TREM2: variants seen among roughly 807,000 people sequenced by gnomAD.
The protein encoded by TREM2 is triggering receptor expressed on myeloid cells 2.
In TREM2, 20 loss-of-function variants were observed where a neutral mutation model predicts 22.9. That is an observed-to-expected ratio of 0.87 (90% CI 0.61 to 1.27). The LOEUF (loss-of-function observed/expected upper bound fraction) is 1.27, where lower values mean the gene tolerates loss of function less well. Ranked by LOEUF, TREM2 falls within the 50% of genes most tolerant of loss-of-function variation. TREM2 has a pLI of 0.00. For synonymous variants in TREM2, 111 were observed against 120.9 expected (o/e 0.92, Z 0.54); for missense variants, 267 against 289.0 (o/e 0.92, Z 0.55).
chr6:41,161,681 G>T, intron 1 of TREM2, 68 bp from the exon 2 acceptor site: 1 of 1,343,978 alleles, frequency 7.4e-7, no homozygotes. Context: ...TCTGTGCAGT[G>T]ACCTAAACAG....
chr6:41,163,100 A>G lies in TREM2; in HGVS notation c.-18T>C, dbSNP rs1271122624. ...GGCTCCATGCCACCCTTCCCCAGCC[A>G]AGGGCAGAAGCAGAGTGCCTTGTGC... On this transcript the variant is annotated 5_prime_UTR_variant, in exon 1 of 5. Coordinates refer to ENST00000373113, the MANE Select transcript of TREM2 (RefSeq NM_018965.4). 6.2e-7 allele frequency: 1 copy of G among 1,613,900 alleles called. No homozygotes were observed. Among genetic ancestry groups the G allele is most frequent in the Non-Finnish European group, 8.5e-7 (1 of 1,179,952 alleles).
At chr6:41,159,091 G>C (rs184137637) in intron 3 of TREM2, 25 bp from the exon 4 acceptor site, 2 of 1,600,736 alleles carry the variant, frequency 1.2e-6, no homozygotes, top group South Asian at 2.2e-5. Flanking sequence ...AAGGCAGATG[G>C]GAGCCTTGAG....
In TREM2 at chr6:41,159,218, G is replaced by A. The variant is rs58443802; in HGVS notation, c.483-152C>T. The A allele has an allele frequency of 2.7e-3, 2,510 of 914,346 alleles. 34 individuals are homozygous for A. In the African/African-American group the frequency reaches 0.034, roughly 13 times the overall value. 56.6% of individuals were successfully genotyped at this position (914,346 alleles called of 1,614,324 possible). On this transcript the variant is annotated intron_variant, in intron 3 of 4. Coordinates refer to ENST00000373113, the MANE Select transcript of TREM2 (RefSeq NM_018965.4). Reference sequence around the variant, plus strand: ...GATGGGCCTTTTTGGAGCTTTGGGAGCCCATAGTCAAGAGACTTGAGTTCT... The same window carrying A: ...GATGGGCCTTTTTGGAGCTTTGGGAACCCATAGTCAAGAGACTTGAGTTCT...
rs372594330 is a variant in TREM2, at chr6:41,161,345, A to T, written c.309T>A (p.His103Gln). ...TCTGGCACTGGTAGAGACCCGCATC[A>T]TGGGGTTGTAGATTCCGCAGCGTAA... ...LTITLRNLQP[H>Q]DAGLYQCQSL... is the part of the protein sequence containing the mutation. Residue 103 changes from histidine (H) to glutamine (Q), a missense_variant, in exon 2 of 5, where the codon CAT becomes CAA. By Grantham distance (24) the His-to-Gln change is conservative (BLOSUM62 0). Coordinates refer to ENST00000373113, the MANE Select transcript of TREM2 (RefSeq NM_018965.4). 3.1e-6 allele frequency: 5 copies of T among 1,614,094 alleles called. No individual in the cohort carries two copies. The highest frequency in any genetic ancestry group is 3.4e-6 in the Non-Finnish European group (4 of 1,180,048).
intron 3 of TREM2, 189 bp from the exon 4 acceptor site, chr6:41,159,255 G>T: frequency 1.5e-6 from 1 of 686,442 alleles, no homozygotes; most frequent in Non-Finnish European, 2.5e-6. Context: ...GGCATGCTCT[G>T]CCACTAACCT....
intron 3 of TREM2, 107 bp from the exon 4 acceptor site, chr6:41,159,173 C>T: frequency 7.3e-7 from 1 of 1,362,576 alleles, no homozygotes; most frequent in Non-Finnish European, 1.0e-6. Flanking sequence ...TCAGCAAATC[C>T]CACCCAGCAC....
chr6:41,159,808 C>G lies in TREM2; in HGVS notation c.466G>C (p.Glu156Gln). 1 of 1,614,126 alleles carries G rather than the reference C, an allele frequency of 6.2e-7. No individual in the cohort carries two copies. The highest frequency in any genetic ancestry group is 1.1e-5 in the South Asian group (1 of 91,074). Reference protein sequence around the residue: ...ESESFEDAHVEHSISRSLLEG... With the variant: ...ESESFEDAHVQHSISRSLLEG... ...TCGCTGTACCTGGAGATGCTGTGCT[C>G]CACATGGGCATCCTCGAAGCTCTCA... Residue 156 changes from glutamate (E) to glutamine (Q), a missense_variant, in exon 3 of 5, where the codon GAG becomes CAG. Glu to Gln is a conservative substitution (Grantham distance 29, BLOSUM62 2). Transcript: ENST00000373113.
chr6:41,163,001 G>A (rs369487317), intron 1 of TREM2, 42 bp downstream of exon 1: 409 of 1,614,012 alleles, frequency 2.5e-4, no homozygotes, highest in Non-Finnish European at 2.9e-4. Context: ...CATGCTCAAA[G>A]TGAGGGAGAG....
In TREM2 at chr6:41,158,593, C is replaced by G; in HGVS notation, c.*171G>C. 2 of 1,557,656 alleles carry G rather than the reference C, an allele frequency of 1.3e-6. No homozygotes were observed. The highest frequency in any genetic ancestry group is 4.8e-5 in the East Asian group (2 of 41,494). On this transcript the variant is annotated 3_prime_UTR_variant, in exon 5 of 5. Transcript: ENST00000373113. Reference sequence around the variant, plus strand: ...AAGTTGTCAGGTGTTCTTACCACCTCCCCACTCCCTCAACCAGTCCCTGCT... The same window carrying G: ...AAGTTGTCAGGTGTTCTTACCACCTGCCCACTCCCTCAACCAGTCCCTGCT...
chr6:41,161,341 C>T lies in TREM2; in HGVS notation c.313G>A (p.Ala105Thr). Residue 105 changes from alanine to threonine, a missense_variant, in exon 2 of 5, where the codon GCG becomes ACG. Ala to Thr is a moderately conservative substitution (Grantham distance 58). Coordinates refer to ENST00000373113, the MANE Select transcript of TREM2 (RefSeq NM_018965.4). Reference protein sequence around the residue: ...ITLRNLQPHDAGLYQCQSLHG... With the variant: ...ITLRNLQPHDTGLYQCQSLHG... ...AGGCTCTGGCACTGGTAGAGACCCG[C>T]ATCATGGGGTTGTAGATTCCGCAGC... 3 of 1,614,218 alleles carry T rather than the reference C, an allele frequency of 1.9e-6. No individual in the cohort carries two copies. The highest frequency in any genetic ancestry group is 1.6e-4 in the Middle Eastern group (1 of 6,062).
intron 2 of TREM2, 44 bp downstream of exon 2, chr6:41,161,219 C>G: frequency 6.3e-7 from 1 of 1,583,578 alleles, no homozygotes; most frequent in South Asian, 1.1e-5. Context: ...AAACATGAGG[C>G]CTGGAACAGG....
rs1186372129 is a variant in TREM2 at position 41,158,749 on chromosome 6, TC to T, written c.*14del. ...GGTGGGACTTCTCCTGGGCTTTTCC[TC>T]CCATCATCTTCCTTCACGTGTCTCT... On this transcript the variant is annotated 3_prime_UTR_variant, in exon 5 of 5. Coordinates refer to ENST00000373113, the MANE Select transcript of TREM2 (RefSeq NM_018965.4). 4 of 1,614,146 alleles carry T rather than the reference TC, an allele frequency of 2.5e-6. No individual in the cohort carries two copies. In the East Asian group the frequency reaches 6.7e-5, roughly 27 times the overall value.
In TREM2 at chr6:41,161,381, G is replaced by C; in HGVS notation, c.273C>G (p.Gly91=). The change falls in exon 2 of 5, where the codon GGC becomes GGG. Residue 91 remains glycine, a synonymous_variant. Transcript: ENST00000373113. ...GATTCCGCAGCGTAATGGTGAGAGT[G>C]CCACCCAGGGTATCGTCTGTGATGG... ...STAITDDTLG[G]TLTITLRNLQ... 6.2e-7 allele frequency: 1 copy of C among 1,614,210 alleles called. No homozygotes were observed. The highest frequency in any genetic ancestry group is 8.5e-7 in the Non-Finnish European group (1 of 1,180,030).
At position 41,161,473 on chromosome 6, in the gene TREM2, G is replaced by A. The variant is rs1765564865; in HGVS notation, c.181C>T (p.Gln61Ter). 2 of 1,614,140 alleles carry A rather than the reference G, an allele frequency of 1.2e-6. No homozygotes were observed. Among genetic ancestry groups the A allele is most frequent in the Admixed American group, 1.7e-5 (1 of 60,010 alleles). ...CRQLGEKGPC[Q>*]RVVSTHNLWL... ...AAGTTGTGCGTGCTGACCACACGCT[G>A]GCATGGGCCCTTCTCTCCCAGCTGG... The change falls in exon 2 of 5, where the codon CAG becomes TAG. Residue 61 changes from glutamine (Q) to a stop codon, truncating the protein, a stop_gained. Coordinates refer to ENST00000373113, the MANE Select transcript of TREM2 (RefSeq NM_018965.4). LOFTEE classifies it high-confidence loss of function.
Position 41,161,363 on chromosome 6 carries a change from C to T in TREM2, c.291G>A (p.Leu97=). 6.2e-7 allele frequency: 1 copy of T among 1,614,250 alleles called. No homozygotes were observed. Among genetic ancestry groups the T allele is most frequent in the Admixed American group, 1.7e-5 (1 of 60,036 alleles). ...CCGCATCATGGGGTTGTAGATTCCG[C>T]AGCGTAATGGTGAGAGTGCCACCCA... ...DTLGGTLTIT[L]RNLQPHDAGL... The change falls in exon 2 of 5, where the codon CTG becomes CTA. Residue 97 remains leucine, a synonymous_variant. Transcript: ENST00000373113.
In TREM2 at chr6:41,163,099, C is replaced by A; in HGVS notation, c.-17G>T. 1.2e-6 allele frequency: 2 copies of A among 1,614,032 alleles called. No individual in the cohort carries two copies. Among genetic ancestry groups the A allele is most frequent in the Non-Finnish European group, 1.7e-6 (2 of 1,179,954 alleles). On this transcript the variant is annotated 5_prime_UTR_variant, in exon 1 of 5. Coordinates refer to ENST00000373113, the MANE Select transcript of TREM2 (RefSeq NM_018965.4). ...AGGCTCCATGCCACCCTTCCCCAGC[C>A]AAGGGCAGAAGCAGAGTGCCTTGTG...
chr6:41,161,693 CA>C, intron 1 of TREM2, 80 bp from the exon 2 acceptor site: 1 of 1,246,272 alleles, frequency 8.0e-7, no homozygotes. Flanking sequence ...CCTAAACAGA[CA>C]AAAATCCTGC....
intron 1 of TREM2, among the ~76,000 whole-genome samples, chr6:41,162,012 C>G (rs1765580025): frequency 6.6e-6 from 1 of 152,238 alleles, no homozygotes; most frequent in Admixed American, 6.5e-5. Context: ...CACATTGGTA[C>G]CGACTTTCCT....
Position 41,159,873 on chromosome 6 carries a change from T to G in TREM2, c.401A>C (p.Asp134Ala). 1 of 1,613,830 alleles carries G rather than the reference T, an allele frequency of 6.2e-7. No homozygotes were observed. The highest frequency in any genetic ancestry group is 1.1e-5 in the South Asian group (1 of 91,056). Residue 134 changes from aspartate (D) to alanine (A), a missense_variant, in exon 3 of 5, where the codon GAT becomes GCT. By Grantham distance (126) the Asp-to-Ala change is moderately radical. Transcript: ENST00000373113. ...VLVEVLADPL[D>A]HRDAGDLWFP... ...CCAGAGATCTCCAGCATCCCGGTGA[T>G]CCAGGGGGTCTATGGGAGGCAGAGC...
Sources: gnomAD v4.1 joint callset for allele counts (sites outside exome capture counted in the v4.1 genomes callset) on GRCh38, gnomAD v4.1.1 for gene constraint, MANE v1.5 for transcripts, NCBI Gene and HGNC (gene_info 2026-07-23, HGNC 2026-07-21) for gene names.